Variants in AGPAT4 observed in about 807,000 individuals in gnomAD.
AGPAT4 encodes 1-acylglycerol-3-phosphate O-acyltransferase 4, also known as 1-acyl-sn-glycerol-3-phosphate acyltransferase delta.
A neutral mutation model predicts 48.0 loss-of-function variants in AGPAT4; 15 were observed. That is an observed-to-expected ratio of 0.31 (90% CI 0.21 to 0.48). The LOEUF (loss-of-function observed/expected upper bound fraction) is 0.48. Ranked by LOEUF, AGPAT4 falls within the 20% of genes least tolerant of loss-of-function variation. The pLI is 0.99. For missense variants in AGPAT4, 314 were observed against 482.5 expected (o/e 0.65, Z 3.27); for synonymous variants, 178 against 198.7 (o/e 0.90, Z 0.88).
At chr6:161,224,093 T>C (rs1019442172) in intron 2 of AGPAT4, among the ~76,000 whole-genome samples, 6 of 152,228 alleles carry the variant, frequency 3.9e-5, no homozygotes, top group African/African-American at 1.4e-4. Flanking sequence ...GAGATCTAAA[T>C]TAAAGCAATT....
chr6:161,143,618 G>A lies in AGPAT4; in HGVS notation c.843+2906C>T, dbSNP rs1779326824. Among the ~76,000 whole-genome samples, 1 of 152,214 alleles carries A rather than the reference G, an allele frequency of 6.6e-6. No individual in the cohort carries two copies. The highest frequency in any genetic ancestry group is 1.5e-5 in the Non-Finnish European group (1 of 68,036). On this transcript the variant is annotated intron_variant, in intron 7 of 8. Coordinates refer to ENST00000320285, the MANE Select transcript of AGPAT4 (RefSeq NM_020133.3). The surrounding 1 kb of genome is among the most constrained non-coding windows in gnomAD (Gnocchi z 4.7). ...CTGGGAACTGCTTTTGTCCACAGAA[G>A]ATCACACAAGGGCATGAATGGTTTC...
In AGPAT4 at chr6:161,184,132, T is replaced by C. The variant is rs978226270; in HGVS notation, c.179-17715A>G. ...GGAACTGGGGACACATTTCAGAGCA[T>C]GACTTTGGCTGCTGTGTGGAGAAAG... On this transcript the variant is annotated intron_variant, in intron 2 of 8. Transcript: ENST00000320285. The surrounding 1 kb of genome is among the most constrained non-coding windows in gnomAD (Gnocchi z 4.8). Among the ~76,000 whole-genome samples the C allele has an allele frequency of 2.0e-5, 3 of 152,006 alleles. No homozygotes were observed. The highest frequency in any genetic ancestry group is 2.0e-4 in the Admixed American group (3 of 15,264).
At chr6:161,187,893 G>C (rs1446479308) in intron 2 of AGPAT4, among the ~76,000 whole-genome samples, 1 of 151,954 alleles carries the variant, frequency 6.6e-6, no homozygotes, top group African/African-American at 2.4e-5. Flanking sequence ...AACTTGTTTA[G>C]GAATATTTAA....
At chr6:161,191,161 A>G (rs1157982605) in intron 2 of AGPAT4, among the ~76,000 whole-genome samples, 3 of 152,218 alleles carry the variant, frequency 2.0e-5, no homozygotes, top group East Asian at 3.8e-4. Context: ...AACATTATCT[A>G]TGTAACAACG....
At position 161,184,785 on chromosome 6, in the gene AGPAT4, C is replaced by G. The variant is rs1488974715; in HGVS notation, c.179-18368G>C. ...ACATCAAGCCTAGGAGCAATGAGAG[C>G]TTGGTAGCCATAAATACCATCAGCC... On this transcript the variant is annotated intron_variant, in intron 2 of 8. Coordinates refer to ENST00000320285, the MANE Select transcript of AGPAT4 (RefSeq NM_020133.3). The surrounding 1 kb of genome is among the most constrained non-coding windows in gnomAD (Gnocchi z 4.8). Among the ~76,000 whole-genome samples, 2 of 152,168 alleles carry G rather than the reference C, an allele frequency of 1.3e-5. No individual in the cohort carries two copies.
At position 161,270,575 on chromosome 6, in the gene AGPAT4, C is replaced by T. The variant is rs1783392535; in HGVS notation, c.-90+3363G>A. On this transcript the variant is annotated intron_variant, in intron 1 of 8. Coordinates refer to ENST00000320285, the MANE Select transcript of AGPAT4 (RefSeq NM_020133.3). This position sits in a 1 kb window ranked among gnomAD's most constrained non-coding sequence, Gnocchi z 5.3. ...CCTGAGGTCAGGAGTTCGAGACCAG[C>T]CTGGCCAATACAGTGAAATTCTATC... Among the ~76,000 whole-genome samples the T allele has an allele frequency of 6.6e-6, 1 of 152,032 alleles. No homozygotes were observed. The highest frequency in any genetic ancestry group is 1.5e-5 in the Non-Finnish European group (1 of 68,002).
At chr6:161,253,665 T>C (rs993922665) in intron 1 of AGPAT4, among the ~76,000 whole-genome samples, 3 of 152,120 alleles carry the variant, frequency 2.0e-5, no homozygotes, top group African/African-American at 7.2e-5. Flanking sequence ...CCCCCCAAGA[T>C]TGAAATTCAT....
chr6:161,193,007 G>GT (rs1780967312), intron 2 of AGPAT4, among the ~76,000 whole-genome samples: 2 of 152,076 alleles, frequency 1.3e-5, no homozygotes, highest in African/African-American at 4.8e-5. Context: ...CGTGTGACTG[G>GT]ATTTTTCTTT....
Position 161,208,524 on chromosome 6 carries a change from T to G in AGPAT4, c.178+23512A>C, listed in dbSNP as rs1423125341. ...TCACAAAGTTTAAGACAAAACCCAA[T>G]AACGCATATGATAACCACTGTCTCC... is the stretch of plus-strand genomic sequence containing the variant. On this transcript the variant is annotated intron_variant, in intron 2 of 8. Coordinates refer to ENST00000320285, the MANE Select transcript of AGPAT4 (RefSeq NM_020133.3). The surrounding 1 kb of genome is among the most constrained non-coding windows in gnomAD (Gnocchi z 4.6). Among the ~76,000 whole-genome samples the G allele has an allele frequency of 1.3e-5, 2 of 151,630 alleles. No homozygotes were observed. Among genetic ancestry groups the G allele is most frequent in the Non-Finnish European group, 2.9e-5 (2 of 67,978 alleles).
chr6:161,254,714 C>T lies in AGPAT4; in HGVS notation c.-90+19224G>A, dbSNP rs1169006222. 6.6e-6 allele frequency among the ~76,000 whole-genome samples: 1 copy of T among 152,228 alleles called. No homozygotes were observed. The highest frequency in any genetic ancestry group is 2.4e-5 in the African/African-American group (1 of 41,466). On this transcript the variant is annotated intron_variant, in intron 1 of 8. Transcript: ENST00000320285. This position sits in a 1 kb window ranked among gnomAD's most constrained non-coding sequence, Gnocchi z 5.9. ...TCCTTAGATTTACTGAGGCTACTTA[C>T]AACTTCTTCTGTTAATCCTTGGTTC...
rs1783206696 is a variant in AGPAT4, at chr6:161,264,886, GT to G, written c.-90+9051del. On this transcript the variant is annotated intron_variant, in intron 1 of 8. Transcript: ENST00000320285. The surrounding 1 kb of genome is among the most constrained non-coding windows in gnomAD (Gnocchi z 6.8). Reference sequence around the variant, plus strand: ...CAGGACTAGTTATGGGACCCCTAGAGTCCCCCAGGGCTGGGGAGCTGAAGCC... The same window carrying G: ...CAGGACTAGTTATGGGACCCCTAGAGCCCCCAGGGCTGGGGAGCTGAAGCC... Among the ~76,000 whole-genome samples the G allele has an allele frequency of 6.6e-6, 1 of 152,090 alleles. No homozygotes were observed.
Position 161,225,258 on chromosome 6 carries a change from C to G in AGPAT4, c.178+6778G>C, listed in dbSNP as rs985848441. On this transcript the variant is annotated intron_variant, in intron 2 of 8. Transcript: ENST00000320285. The surrounding 1 kb of genome is among the most constrained non-coding windows in gnomAD (Gnocchi z 5.0). ...CCGCCAAACCACTCACCCCGTCACT[C>G]TCTTTAAATTAGCCAATCAGAATTA... Among the ~76,000 whole-genome samples, 1 of 152,182 alleles carries G rather than the reference C, an allele frequency of 6.6e-6. No individual in the cohort carries two copies. Among genetic ancestry groups the G allele is most frequent in the Non-Finnish European group, 1.5e-5 (1 of 68,034 alleles).
At chr6:161,163,683 T>A (rs1780004888) in intron 3 of AGPAT4, among the ~76,000 whole-genome samples, 1 of 152,202 alleles carries the variant, frequency 6.6e-6, no homozygotes, top group Non-Finnish European at 1.5e-5. Flanking sequence ...TCTAGCTCCT[T>A]GCTTTGTGAG....
rs1255563040 is a variant in AGPAT4 at position 161,154,897 on chromosome 6, T to C, written c.349-587A>G. 6.6e-6 allele frequency among the ~76,000 whole-genome samples: 1 copy of C among 152,262 alleles called. No homozygotes were observed. Among genetic ancestry groups the C allele is most frequent in the Non-Finnish European group, 1.5e-5 (1 of 68,040 alleles). ...CAGCTCAACTCACTCTGCTGAGCTC[T>C]GCAGTTGAGGCAAACAGGAGTCTCC... On this transcript the variant is annotated intron_variant, in intron 3 of 8. Coordinates refer to ENST00000320285, the MANE Select transcript of AGPAT4 (RefSeq NM_020133.3). The surrounding 1 kb of genome is among the most constrained non-coding windows in gnomAD (Gnocchi z 7.8).
In AGPAT4 at chr6:161,146,585, T is replaced by G; in HGVS notation, c.782A>C (p.Glu261Ala). The G allele has an allele frequency of 6.2e-7, 1 of 1,614,090 alleles. No individual in the cohort carries two copies. Residue 261 changes from glutamate to alanine, a missense_variant, in exon 7 of 9, where the codon GAA becomes GCA. By Grantham distance (107) the Glu-to-Ala change is moderately radical (BLOSUM62 -1). Transcript: ENST00000320285. This position sits in a 1 kb window ranked among gnomAD's most constrained non-coding sequence, Gnocchi z 7.1. Reference protein sequence around the residue: ...ADLYVRRIPLEDIPEDDDECS... With the variant: ...ADLYVRRIPLADIPEDDDECS... ...CTCGTCATCGTCTTCAGGGATGTCT[T>G]CCAGTGGGATCCTCCTGCAAAGGCA...
rs1022531988 is a variant in AGPAT4 at position 161,180,434 on chromosome 6, C to T, written c.179-14017G>A. ...TCAAGCACACGCCAACAGTCAGAAC[C>T]TCCCACAGCTGCAGATATGGGCACC... On this transcript the variant is annotated intron_variant, in intron 2 of 8. Transcript: ENST00000320285. The surrounding 1 kb of genome is among the most constrained non-coding windows in gnomAD (Gnocchi z 6.4). 6.6e-6 allele frequency among the ~76,000 whole-genome samples: 1 copy of T among 152,204 alleles called. No homozygotes were observed. Among genetic ancestry groups the T allele is most frequent in the African/African-American group, 2.4e-5 (1 of 41,454 alleles).
chr6:161,173,477 T>G (rs991111276), intron 2 of AGPAT4, among the ~76,000 whole-genome samples: 4 of 152,208 alleles, frequency 2.6e-5, no homozygotes, highest in Admixed American at 6.5e-5. Flanking sequence ...CTTCGCCCAC[T>G]TTTTGATGGG....
chr6:161,250,482 A>G (rs1170065579), intron 1 of AGPAT4, among the ~76,000 whole-genome samples: 1 of 152,204 alleles, frequency 6.6e-6, no homozygotes, highest in African/African-American at 2.4e-5. Flanking sequence ...TACTAGACAT[A>G]TCATAATTAT....
At chr6:161,163,765 A>T (rs1023143404) in intron 3 of AGPAT4, among the ~76,000 whole-genome samples, 4 of 152,232 alleles carry the variant, frequency 2.6e-5, no homozygotes, top group Non-Finnish European at 4.4e-5. Context: ...TTAAGGAAGC[A>T]CTTTAGCAAG....
Sources: gnomAD v4.1 joint callset for allele counts (sites outside exome capture counted in the v4.1 genomes callset) on GRCh38, gnomAD v4.1.1 for gene constraint, Gnocchi (gnomAD v3.1) non-coding constraint, MANE v1.5 for transcripts, NCBI Gene and HGNC (gene_info 2026-07-23, HGNC 2026-07-21) for gene names.